Variants in ST6GALNAC3 observed in about 807,000 individuals in gnomAD.
ST6GALNAC3 encodes the protein ST6 N-acetylgalactosaminide alpha-2,6-sialyltransferase 3, also known as alpha-N-acetylgalactosaminide alpha-2,6-sialyltransferase 3.
In ST6GALNAC3, 25 loss-of-function variants were observed where a neutral mutation model predicts 32.7. The ratio of observed to expected loss-of-function variants is 0.76; its 90% confidence interval spans 0.56 to 1.07. The LOEUF (loss-of-function observed/expected upper bound fraction) is 1.07, where lower values mean the gene tolerates loss of function less well. ST6GALNAC3 is among the 50% of genes least tolerant of loss of function. The pLI, the probability that ST6GALNAC3 is intolerant of heterozygous loss-of-function variation, is 0.00. For missense variants in ST6GALNAC3, 355 were observed against 382.4 expected (o/e 0.93, Z 0.60); for synonymous variants, 129 against 133.1 (o/e 0.97, Z 0.21).
At position 76,338,312 on chromosome 1, in the gene ST6GALNAC3, G is replaced by A. The variant is rs1034513513; in HGVS notation, c.213+24313G>A. 3.3e-5 allele frequency among the ~76,000 whole-genome samples: 5 copies of A among 152,286 alleles called. No homozygotes were observed. In the South Asian group the frequency reaches 1.0e-3, roughly 32 times the overall value. Reference sequence around the variant, plus strand: ...TGTATATGGAAGCCATTGTCATTTGGTTAATTATGTTTTGCCAGCAGGATG... The same window carrying A: ...TGTATATGGAAGCCATTGTCATTTGATTAATTATGTTTTGCCAGCAGGATG... On this transcript the variant is annotated intron_variant, in intron 2 of 4. Transcript: ENST00000328299.
At chr1:76,591,832 T>C (rs1647052562) in intron 3 of ST6GALNAC3, among the ~76,000 whole-genome samples, 2 of 152,110 alleles carry the variant, frequency 1.3e-5, no homozygotes, top group African/African-American at 2.4e-5. Flanking sequence ...CAGAAGAACA[T>C]GTACTAGGGC....
intron 1 of ST6GALNAC3, among the ~76,000 whole-genome samples, chr1:76,265,980 A>G (rs1658504006): frequency 6.6e-6 from 1 of 152,186 alleles, no homozygotes; most frequent in East Asian, 1.9e-4. Flanking sequence ...TAGAAGTGCC[A>G]TGCTGTAGGT....
intron 3 of ST6GALNAC3, among the ~76,000 whole-genome samples, chr1:76,541,200 G>A (rs1352539175): frequency 6.6e-6 from 1 of 152,130 alleles, no homozygotes; most frequent in Admixed American, 6.6e-5. Flanking sequence ...GATTACAGAA[G>A]GTCTGTCTAT....
intron 1 of ST6GALNAC3, among the ~76,000 whole-genome samples, chr1:76,132,226 G>A (rs1649656818): frequency 6.6e-6 from 1 of 152,176 alleles, no homozygotes; most frequent in South Asian, 2.1e-4. Context: ...AAAGGAGTCA[G>A]AATATAGGTA....
intron 3 of ST6GALNAC3, among the ~76,000 whole-genome samples, chr1:76,604,423 G>A (rs1300815095): frequency 6.6e-6 from 1 of 152,166 alleles, no homozygotes; most frequent in Non-Finnish European, 1.5e-5. Context: ...GAGATGTAGA[G>A]AATCTATAAA....
intron 1 of ST6GALNAC3, among the ~76,000 whole-genome samples, chr1:76,149,583 A>G (rs1448293772): frequency 6.6e-6 from 1 of 152,242 alleles, no homozygotes; most frequent in Non-Finnish European, 1.5e-5. Context: ...TAATGTATCT[A>G]TCAGCTCACA....
At chr1:76,391,713 T>A (rs1010825959) in intron 2 of ST6GALNAC3, among the ~76,000 whole-genome samples, 2 of 152,148 alleles carry the variant, frequency 1.3e-5, no homozygotes, top group Admixed American at 6.5e-5. Context: ...GATTTTTATT[T>A]CTATTTCTCT....
intron 3 of ST6GALNAC3, among the ~76,000 whole-genome samples, chr1:76,508,334 A>G (rs1661610281): frequency 2.0e-5 from 3 of 152,078 alleles, no homozygotes; most frequent in Admixed American, 2.0e-4. Context: ...CCGCTCACCT[A>G]CTGCTGTGTT....
At chr1:76,418,115 G>A (rs995241948) in intron 3 of ST6GALNAC3, among the ~76,000 whole-genome samples, 1 of 152,090 alleles carries the variant, frequency 6.6e-6, no homozygotes, top group Non-Finnish European at 1.5e-5. Flanking sequence ...TATCTTTGGG[G>A]GTGACAGTTT....
intron 3 of ST6GALNAC3, among the ~76,000 whole-genome samples, chr1:76,615,895 G>A (rs1264075869): frequency 6.7e-6 from 1 of 148,540 alleles, no homozygotes. Flanking sequence ...AATTACTACT[G>A]TTTTCTTCCC....
intron 3 of ST6GALNAC3, among the ~76,000 whole-genome samples, chr1:76,527,535 C>T (rs900818568): frequency 6.6e-6 from 1 of 152,028 alleles, no homozygotes; most frequent in Non-Finnish European, 1.5e-5. Flanking sequence ...TTAGACAATG[C>T]AAATTAACCC....
In ST6GALNAC3 at chr1:76,227,412, C is replaced by T. The variant is rs183016397; in HGVS notation, c.19-86393C>T. Among the ~76,000 whole-genome samples the T allele has an allele frequency of 5.9e-5, 9 of 152,172 alleles. No homozygotes were observed. The East Asian group carries it at 1.5e-3, about 26-fold the overall frequency. Reference sequence around the variant, plus strand: ...TTTTAAAGCTATTTGTTTATTTGTCCAGTTCAATTTCCTTCTAGACAGTGA... The same window carrying T: ...TTTTAAAGCTATTTGTTTATTTGTCTAGTTCAATTTCCTTCTAGACAGTGA... On this transcript the variant is annotated intron_variant, in intron 1 of 4. Coordinates refer to ENST00000328299, the MANE Select transcript of ST6GALNAC3 (RefSeq NM_152996.4).
At chr1:76,083,225 A>T (rs1049650975) in intron 1 of ST6GALNAC3, among the ~76,000 whole-genome samples, 1 of 152,250 alleles carries the variant, frequency 6.6e-6, no homozygotes, top group Non-Finnish European at 1.5e-5. Context: ...TGCAATACTC[A>T]TCTTAGATTT....
At chr1:76,521,867 G>A (rs1380916068) in intron 3 of ST6GALNAC3, among the ~76,000 whole-genome samples, 6 of 151,982 alleles carry the variant, frequency 3.9e-5, no homozygotes, top group African/African-American at 7.2e-5. Flanking sequence ...TCAGGAGTTC[G>A]AGACCAGCCT....
intron 3 of ST6GALNAC3, among the ~76,000 whole-genome samples, chr1:76,441,991 T>C (rs1481406001): frequency 6.6e-6 from 1 of 152,198 alleles, no homozygotes; most frequent in Non-Finnish European, 1.5e-5. Flanking sequence ...CTTTGTGAGC[T>C]TATTTATGTT....
intron 2 of ST6GALNAC3, among the ~76,000 whole-genome samples, chr1:76,348,725 T>C (rs980322363): frequency 6.6e-5 from 10 of 152,178 alleles, no homozygotes; most frequent in African/African-American, 2.4e-4. Flanking sequence ...ATACAACATT[T>C]ATTCATTCAT....
intron 1 of ST6GALNAC3, among the ~76,000 whole-genome samples, chr1:76,162,651 G>A (rs1008162325): frequency 6.6e-6 from 1 of 152,186 alleles, no homozygotes; most frequent in Admixed American, 6.5e-5. Flanking sequence ...TTATGAGTTG[G>A]TCCTGGAGGT....
At chr1:76,369,896 G>A (rs1391344950) in intron 2 of ST6GALNAC3, among the ~76,000 whole-genome samples, 2 of 152,168 alleles carry the variant, frequency 1.3e-5, no homozygotes, top group Non-Finnish European at 2.9e-5. Context: ...AAATGCCCTT[G>A]AATGGCTATG....
chr1:76,168,341 T>A (rs1652260000), intron 1 of ST6GALNAC3, among the ~76,000 whole-genome samples: 1 of 152,232 alleles, frequency 6.6e-6, no homozygotes, highest in African/African-American at 2.4e-5. Context: ...TGTGCTGTGG[T>A]CTGAGAGATT....
Sources: allele counts gnomAD v4.1 joint callset (sites outside exome capture counted in the v4.1 genomes callset), GRCh38; gene constraint gnomAD v4.1.1; transcripts MANE v1.5; gene names NCBI Gene and HGNC (gene_info 2026-07-23, HGNC 2026-07-21).